The following TMED10 variants were observed in gnomAD, a reference collection of about 807,000 sequenced individuals.
The protein encoded by TMED10 is transmembrane emp24 domain-containing protein 10.
TMED10 carries 7 observed loss-of-function variants against 23.1 expected under a neutral mutation model. That is an observed-to-expected ratio of 0.30 (90% CI 0.17 to 0.57). TMED10 has a LOEUF of 0.57. Among genes scored for constraint, TMED10 ranks in the 20% least tolerant of loss-of-function variants. The probability of loss-of-function intolerance (pLI) is 0.91; values close to 1 mark genes in which losing one functional copy is unlikely to be tolerated. For missense variants in TMED10, 162 were observed against 274.8 expected (o/e 0.59, Z 2.90); for synonymous variants, 113 against 106.9 (o/e 1.06, Z -0.35).
At chr14:75,135,974 G>T in intron 3 of TMED10, 88 bp from the exon 4 acceptor site, 2 of 1,540,362 alleles carry the variant, frequency 1.3e-6, no homozygotes. Context: ...CTTTTTTAAA[G>T]TTTCACCAGA....
chr14:75,152,255 T>C, intron 1 of TMED10, 112 bp from the exon 2 acceptor site: 1 of 783,824 alleles, frequency 1.3e-6, no homozygotes, highest in African/African-American at 1.7e-5. Context: ...TAGTTCTCAT[T>C]ATGATGACTA....
At chr14:75,174,374 T>C (rs138816102) in intron 1 of TMED10, among the ~76,000 whole-genome samples, 32 of 152,054 alleles carry the variant, frequency 2.1e-4, no homozygotes, top group African/African-American at 7.5e-4. Flanking sequence ...ATTTAAACTA[T>C]CAATAAGCAA....
At chr14:75,172,403 G>A (rs1386368007) in intron 1 of TMED10, among the ~76,000 whole-genome samples, 1 of 151,986 alleles carries the variant, frequency 6.6e-6, no homozygotes, top group East Asian at 1.9e-4. Context: ...CGCCTCCCAG[G>A]TTCAAGAGAT....
At chr14:75,150,410 T>A (rs1222331465) in intron 2 of TMED10, among the ~76,000 whole-genome samples, 2 of 152,224 alleles carry the variant, frequency 1.3e-5, no homozygotes, top group African/African-American at 4.8e-5. Context: ...GATCAGGATA[T>A]CTTCTTTCTT....
intron 3 of TMED10, among the ~76,000 whole-genome samples, chr14:75,138,812 CTTTTTT>C (rs59707221): frequency 6.3e-5 from 6 of 95,052 alleles, no homozygotes; most frequent in African/African-American, 1.8e-4. Flanking sequence ...GCCTTTGCTT[CTTTTTT>C]TTTTTTTTTT....
intron 3 of TMED10, among the ~76,000 whole-genome samples, chr14:75,141,181 C>T (rs1895817874): frequency 6.6e-6 from 1 of 152,118 alleles, no homozygotes; most frequent in South Asian, 2.1e-4. Flanking sequence ...CAAAGTGAAG[C>T]TTAACAGGAA....
In TMED10 at chr14:75,152,391, A is replaced by C. The variant is rs7158329; in HGVS notation, c.226-248T>G. Among the ~76,000 whole-genome samples the C allele has an allele frequency of 4.7e-3, 718 of 152,362 alleles. 6 individuals are homozygous for C. The highest frequency in any genetic ancestry group is 0.011 in the Admixed American group (168 of 15,296). On this transcript the variant is annotated intron_variant, in intron 1 of 4. Coordinates refer to ENST00000303575, the MANE Select transcript of TMED10 (RefSeq NM_006827.6). ...ATCTGTTGCTGCTATAGGATGTCTTACCATACCAAAAAGTTAATCTAGCTA... is the reference window on the plus strand; with the variant it reads ...ATCTGTTGCTGCTATAGGATGTCTTCCCATACCAAAAAGTTAATCTAGCTA...
chr14:75,133,982 A>C lies in TMED10; in HGVS notation c.*903T>G. On this transcript the variant is annotated 3_prime_UTR_variant, in exon 5 of 5. Transcript: ENST00000303575. ...TTCAAGGGAATTATGCTGAATGAAA[A>C]AAGATCAGCCTCGTAAGATTACATT... 4.3e-6 allele frequency: 1 copy of C among 233,738 alleles called. No individual in the cohort carries two copies. Among genetic ancestry groups the C allele is most frequent in the South Asian group, 4.2e-5 (1 of 23,786 alleles). The allele number at this position is 233,738 out of a possible 1,614,324, so 14.5% of individuals were successfully genotyped here. A position where few individuals can be genotyped will look rare whatever the true frequency, so the allele number is the denominator to read the frequency against.
chr14:75,174,692 T>C (rs550222199), intron 1 of TMED10, among the ~76,000 whole-genome samples: 4 of 152,220 alleles, frequency 2.6e-5, no homozygotes, highest in Non-Finnish European at 5.9e-5. Context: ...ACCACACTAC[T>C]GGGTTCCACT....
Position 75,134,720 on chromosome 14 carries a change from G to C in TMED10, c.*165C>G, listed in dbSNP as rs776368187. ...AAGAAGTCCCTCATTGACTTGTTGG[G>C]TGTAGGTGGTACCCCATGTCCTCCC... On this transcript the variant is annotated 3_prime_UTR_variant, in exon 5 of 5. Coordinates refer to ENST00000303575, the MANE Select transcript of TMED10 (RefSeq NM_006827.6). 1.6e-4 allele frequency: 132 copies of C among 809,662 alleles called. No homozygotes were observed. The highest frequency in any genetic ancestry group is 2.2e-4 in the Non-Finnish European group (117 of 523,386). 50.2% of individuals were successfully genotyped at this position (809,662 alleles called of 1,614,324 possible). A position where few individuals can be genotyped will look rare whatever the true frequency, so the allele number is the denominator to read the frequency against.
In TMED10 at chr14:75,134,610, T is replaced by C. The variant is rs1224943901; in HGVS notation, c.*275A>G. On this transcript the variant is annotated 3_prime_UTR_variant, in exon 5 of 5. Coordinates refer to ENST00000303575, the MANE Select transcript of TMED10 (RefSeq NM_006827.6). Reference sequence around the variant, plus strand: ...AGGACAAATGCTGACTTTGGCATTATCTAGGTAACCCCTATTTTTTGTCAT... The same window carrying C: ...AGGACAAATGCTGACTTTGGCATTACCTAGGTAACCCCTATTTTTTGTCAT... The C allele has an allele frequency of 3.1e-6, 1 of 324,510 alleles. No homozygotes were observed. Among genetic ancestry groups the C allele is most frequent in the East Asian group, 6.0e-5 (1 of 16,598 alleles). 20.1% of individuals were successfully genotyped at this position (324,510 alleles called of 1,614,324 possible).
At chr14:75,135,556 C>A in intron 4 of TMED10, 2 of 591,196 alleles carry the variant, frequency 3.4e-6, no homozygotes, top group Non-Finnish European at 5.7e-6. Flanking sequence ...GATGTTGTCA[C>A]CTGCCTATCA....
At chr14:75,143,495 G>A (rs764698674) in intron 3 of TMED10, among the ~76,000 whole-genome samples, 11 of 152,194 alleles carry the variant, frequency 7.2e-5, no homozygotes, top group Non-Finnish European at 1.3e-4. Flanking sequence ...CCTTGGTGGA[G>A]CATCAAGATC....
At chr14:75,145,887 T>C (rs767401610) in intron 3 of TMED10, among the ~76,000 whole-genome samples, 115 of 152,288 alleles carry the variant, frequency 7.6e-4, no homozygotes, top group Admixed American at 1.7e-3. Flanking sequence ...CTGAGAATGG[T>C]CCACAGTTCG....
At chr14:75,152,291 A>C in intron 1 of TMED10, 148 bp from the exon 2 acceptor site, 1 of 632,408 alleles carries the variant, frequency 1.6e-6, no homozygotes, top group Non-Finnish European at 2.7e-6. Context: ...CAAAGACAAA[A>C]ACTGGATTAG....
intron 3 of TMED10, among the ~76,000 whole-genome samples, chr14:75,146,395 A>C (rs1895883418): frequency 6.6e-6 from 1 of 152,210 alleles, no homozygotes; most frequent in South Asian, 2.1e-4. Flanking sequence ...ATTCCTAGAC[A>C]ATTTTCCTAA....
intron 2 of TMED10, among the ~76,000 whole-genome samples, chr14:75,150,359 T>C (rs974239007): frequency 6.6e-6 from 1 of 152,192 alleles, no homozygotes; most frequent in Non-Finnish European, 1.5e-5. Flanking sequence ...ATTGAAAAAG[T>C]TGTGAAACTT....
intron 1 of TMED10, among the ~76,000 whole-genome samples, chr14:75,164,559 ATATATATATATATATATATTTTTT>A (rs1192182965): frequency 1.2e-4 from 4 of 32,212 alleles, no homozygotes; most frequent in African/African-American, 3.8e-4. Flanking sequence ...ATATATATAT[ATATATATATATATATATATTTTTT>A]TTTTTTTTTT....
At chr14:75,146,496 T>C (rs1034978896) in intron 3 of TMED10, among the ~76,000 whole-genome samples, 1 of 152,210 alleles carries the variant, frequency 6.6e-6, no homozygotes, top group Non-Finnish European at 1.5e-5. Flanking sequence ...TTCATGCCCT[T>C]ACGTACTGTT....
Sources: gnomAD v4.1 joint callset for allele counts (sites outside exome capture counted in the v4.1 genomes callset) on GRCh38, gnomAD v4.1.1 for gene constraint, MANE v1.5 for transcripts, NCBI Gene and HGNC (gene_info 2026-07-23, HGNC 2026-07-21) for gene names.